ALPI: variants seen among roughly 807,000 people sequenced by gnomAD.
The protein encoded by ALPI is alkaline phosphatase, intestinal, also known as intestinal-type alkaline phosphatase.
A neutral mutation model predicts 51.5 loss-of-function variants in ALPI; 50 were observed. That is an observed-to-expected ratio of 0.97 (90% CI 0.77 to 1.23). The LOEUF is 1.23. ALPI is among the 50% of genes most tolerant of loss of function. ALPI has a pLI of 0.00. For synonymous variants in ALPI, 322 were observed against 308.2 expected, an observed-to-expected ratio of 1.04 and a Z score of -0.47; for missense variants, 692 against 722.4, an observed-to-expected ratio of 0.96 and a Z score of 0.48.
At position 232,456,586 on chromosome 2, in the gene ALPI, G is replaced by C. The variant is rs145841277; in HGVS notation, c.191G>C (p.Gly64Ala). ...CACATTTCTGCTCCTTCAGGGTTGG[G>C]GGTGCCCACGGTGACAGCCACCAGG... ...NLILFLGDGL[G>A]VPTVTATRIL... The change falls in exon 3 of 11, where the codon GGG (glycine) becomes GCG (alanine). Residue 64 changes from glycine to alanine, a missense_variant. Coordinates refer to ENST00000295463, the MANE Select transcript of ALPI (RefSeq NM_001631.5). The surrounding 1 kb of genome is among the most constrained non-coding windows in gnomAD (Gnocchi z 4.2). The C allele has an allele frequency of 1.2e-6, 2 of 1,612,570 alleles. No homozygotes were observed. Among genetic ancestry groups the C allele is most frequent in the Admixed American group, 1.7e-5 (1 of 59,928 alleles).
chr2:232,456,272 G>T lies in ALPI; in HGVS notation c.67+6G>T. 1 of 1,614,066 alleles carries T rather than the reference G, an allele frequency of 6.2e-7. No homozygotes were observed. The highest frequency in any genetic ancestry group is 8.5e-7 in the Non-Finnish European group (1 of 1,180,016). On this transcript the variant is annotated splice_donor_region_variant and intron_variant, in intron 1 of 10. Coordinates refer to ENST00000295463, the MANE Select transcript of ALPI (RefSeq NM_001631.5). This position sits in a 1 kb window ranked among gnomAD's most constrained non-coding sequence, Gnocchi z 4.2. ...CTCCCTGGGCGTCATCCCAGGTAATGAGGCTCCCCAAGCTGTTCCACACAC... is the reference window on the plus strand; with the variant it reads ...CTCCCTGGGCGTCATCCCAGGTAATTAGGCTCCCCAAGCTGTTCCACACAC...
chr2:232,458,633 G>T lies in ALPI; in HGVS notation c.1185G>T (p.Gly395=), dbSNP rs140144385. The T allele has an allele frequency of 1.5e-5, 24 of 1,613,700 alleles. No homozygotes were observed. Among genetic ancestry groups the T allele is most frequent in the East Asian group, 2.2e-5 (1 of 44,876 alleles). The change falls in exon 10 of 11, where the codon GGG becomes GGT. Residue 395 remains glycine, a splice_region_variant and synonymous_variant. Transcript: ENST00000295463. ...GYTLRGSSIF[G]LAPSKAQDSK... ...ACAGGGACCCGCATCTCCCTACAGG[G>T]TTGGCCCCCAGCAAGGCTCAGGACA...
chr2:232,456,839 T>C lies in ALPI; in HGVS notation c.301-60T>C. 1 of 1,600,936 alleles carries C rather than the reference T, an allele frequency of 6.2e-7. No homozygotes were observed. Among genetic ancestry groups the C allele is most frequent in the Non-Finnish European group, 8.5e-7 (1 of 1,172,794 alleles). On this transcript the variant is annotated intron_variant, in intron 3 of 10. Coordinates refer to ENST00000295463, the MANE Select transcript of ALPI (RefSeq NM_001631.5). The surrounding 1 kb of genome is among the most constrained non-coding windows in gnomAD (Gnocchi z 4.2). The stretch of plus-strand genomic sequence containing the variant: ...AGGATCCCAGAGGACCAGAACCAGG[T>C]CCTTGGTTGGGGTCTGGGTGTCCGC...
In ALPI at chr2:232,457,266, CGCCAGGAGGGGT is replaced by C. The variant is rs1205576553; in HGVS notation, c.600_611del (p.Glu200_Gln203del). 1 of 1,613,386 alleles carries C rather than the reference CGCCAGGAGGGGT, an allele frequency of 6.2e-7. No individual in the cohort carries two copies. Among genetic ancestry groups the C allele is most frequent in the Non-Finnish European group, 8.5e-7 (1 of 1,179,982 alleles). ...AGATGCTGACATGCCTGCCTCAGCCCGCCAGGAGGGGTGCCAGGACATCGCCACTCAGCTCAT... is the reference window on the plus strand; with the variant it reads ...AGATGCTGACATGCCTGCCTCAGCCCGCCAGGACATCGCCACTCAGCTCAT... On this transcript the variant is annotated inframe_deletion, in exon 5 of 11. Coordinates refer to ENST00000295463, the MANE Select transcript of ALPI (RefSeq NM_001631.5). The surrounding 1 kb of genome is among the most constrained non-coding windows in gnomAD (Gnocchi z 4.7).
rs1690292047 is a variant in ALPI at position 232,460,586 on chromosome 2, G to T, written c.*1440G>T. ...CCAAGAGAACATTGAAAAGAATAAA[G>T]GTGAAATCAACCACATTTTCCAGCA... is the stretch of plus-strand genomic sequence containing the variant. On this transcript the variant is annotated 3_prime_UTR_variant, in exon 11 of 11. Coordinates refer to ENST00000295463, the MANE Select transcript of ALPI (RefSeq NM_001631.5). Among the ~76,000 whole-genome samples, 1 of 152,118 alleles carries T rather than the reference G, an allele frequency of 6.6e-6. No homozygotes were observed.
At position 232,457,715 on chromosome 2, in the gene ALPI, G is replaced by T; in HGVS notation, c.783+16G>T. 1 of 1,610,546 alleles carries T rather than the reference G, an allele frequency of 6.2e-7. No homozygotes were observed. Among genetic ancestry groups the T allele is most frequent in the Non-Finnish European group, 8.5e-7 (1 of 1,177,584 alleles). Reference sequence around the variant, plus strand: ...AAAGCACCAGGTGATGGGGGCTGGTGGGTGTGGGAGGCACGGCAGGGGGAG... The same window carrying T: ...AAAGCACCAGGTGATGGGGGCTGGTTGGTGTGGGAGGCACGGCAGGGGGAG... On this transcript the variant is annotated intron_variant, in intron 6 of 10. Coordinates refer to ENST00000295463, the MANE Select transcript of ALPI (RefSeq NM_001631.5). This position sits in a 1 kb window ranked among gnomAD's most constrained non-coding sequence, Gnocchi z 4.7.
In ALPI at chr2:232,457,746, G is replaced by A. The variant is rs1690224108; in HGVS notation, c.783+47G>A. 1.2e-6 allele frequency: 2 copies of A among 1,612,062 alleles called. No individual in the cohort carries two copies. Among genetic ancestry groups the A allele is most frequent in the South Asian group, 1.1e-5 (1 of 90,884 alleles). ...GGGAGGCACGGCAGGGGGAGGCCAA[G>A]TGTGTGGGTCTCAGGGCTGTGGGCT... On this transcript the variant is annotated intron_variant, in intron 6 of 10. Coordinates refer to ENST00000295463, the MANE Select transcript of ALPI (RefSeq NM_001631.5). This position sits in a 1 kb window ranked among gnomAD's most constrained non-coding sequence, Gnocchi z 4.7.
Position 232,456,954 on chromosome 2 carries a change from T to A in ALPI, c.356T>A (p.Leu119Gln). The A allele has an allele frequency of 1.9e-6, 3 of 1,613,752 alleles. No homozygotes were observed. Among genetic ancestry groups the A allele is most frequent in the Non-Finnish European group, 2.5e-6 (3 of 1,180,020 alleles). Reference sequence around the variant, plus strand: ...AGCGCAGCCACAGCCACGGCCTACCTGTGCGGGGTCAAGGCCAACTTCCAG... The same window carrying A: ...AGCGCAGCCACAGCCACGGCCTACCAGTGCGGGGTCAAGGCCAACTTCCAG... ...PDSAATATAY[L>Q]CGVKANFQTI... Residue 119 changes from leucine to glutamine, a missense_variant, in exon 4 of 11, where the codon CTG becomes CAG. Physicochemically the swap from Leu to Gln is moderately radical, Grantham distance 113. Coordinates refer to ENST00000295463, the MANE Select transcript of ALPI (RefSeq NM_001631.5). The surrounding 1 kb of genome is among the most constrained non-coding windows in gnomAD (Gnocchi z 4.2).
Position 232,457,289 on chromosome 2 carries a change from C to T in ALPI, c.615C>T (p.Ile205=), listed in dbSNP as rs139864739. 18 of 1,612,418 alleles carry T rather than the reference C, an allele frequency of 1.1e-5. No individual in the cohort carries two copies. In the African/African-American group the frequency reaches 1.5e-4, roughly 13 times the overall value. Residue 205 remains isoleucine, a synonymous_variant, in exon 5 of 11, where the codon ATC becomes ATT. Transcript: ENST00000295463. This position sits in a 1 kb window ranked among gnomAD's most constrained non-coding sequence, Gnocchi z 4.7. ...ASARQEGCQD[I]ATQLISNMDI... Reference sequence around the variant, plus strand: ...CCCGCCAGGAGGGGTGCCAGGACATCGCCACTCAGCTCATCTCCAACATGG... The same window carrying T: ...CCCGCCAGGAGGGGTGCCAGGACATTGCCACTCAGCTCATCTCCAACATGG...
In ALPI at chr2:232,457,679, G is replaced by A. The variant is rs757973136; in HGVS notation, c.763G>A (p.Glu255Lys). Reference protein sequence around the residue: ...IRLDGKNLVQEWLAKHQGAWY... With the variant: ...IRLDGKNLVQKWLAKHQGAWY... ...GCTGGACGGGAAGAACCTGGTGCAG[G>A]AATGGCTGGCAAAGCACCAGGTGAT... Residue 255 changes from glutamate (E) to lysine (K), a missense_variant, in exon 6 of 11, where the codon GAA (glutamate) becomes AAA (lysine). Glu to Lys is a moderately conservative substitution (Grantham distance 56). Coordinates refer to ENST00000295463, the MANE Select transcript of ALPI (RefSeq NM_001631.5). This position sits in a 1 kb window ranked among gnomAD's most constrained non-coding sequence, Gnocchi z 4.7. 1.9e-6 allele frequency: 3 copies of A among 1,613,348 alleles called. No individual in the cohort carries two copies. Among genetic ancestry groups the A allele is most frequent in the Non-Finnish European group, 2.5e-6 (3 of 1,179,416 alleles).
chr2:232,456,726 A>C lies in ALPI; in HGVS notation c.300+31A>C. The C allele has an allele frequency of 1.3e-6, 2 of 1,568,154 alleles. No homozygotes were observed. The highest frequency in any genetic ancestry group is 1.7e-6 in the Non-Finnish European group (2 of 1,156,294). On this transcript the variant is annotated intron_variant, in intron 3 of 10. Coordinates refer to ENST00000295463, the MANE Select transcript of ALPI (RefSeq NM_001631.5). The surrounding 1 kb of genome is among the most constrained non-coding windows in gnomAD (Gnocchi z 4.2). ...GGCTGGGCCACCTCAGAGTCCTCCA[A>C]GCAGAGGAGAGGGATCAAGGATATG...
At position 232,456,892 on chromosome 2, in the gene ALPI, T is replaced by C. The variant is rs377393587; in HGVS notation, c.301-7T>C. Reference sequence around the variant, plus strand: ...CGAAGTAGAGCTCAGGGTGTCTCCGTTCGCAGACATACAATGTGGACAGAC... The same window carrying C: ...CGAAGTAGAGCTCAGGGTGTCTCCGCTCGCAGACATACAATGTGGACAGAC... On this transcript the variant is annotated splice_region_variant and splice_polypyrimidine_tract_variant and intron_variant, in intron 3 of 10. Transcript: ENST00000295463. The surrounding 1 kb of genome is among the most constrained non-coding windows in gnomAD (Gnocchi z 4.2). 23 of 1,613,094 alleles carry C rather than the reference T, an allele frequency of 1.4e-5. No homozygotes were observed. The highest frequency in any genetic ancestry group is 1.9e-5 in the Non-Finnish European group (23 of 1,179,954).
rs781726980 is a variant in ALPI, at chr2:232,457,857, C to A, written c.846C>A (p.Thr282=). 4.0e-5 allele frequency: 65 copies of A among 1,613,946 alleles called. 1 individual carries two copies. The highest frequency in any genetic ancestry group is 5.3e-5 in the Non-Finnish European group (63 of 1,179,994). ...AGGCGTCCCTGGACCAGTCTGTGAC[C>A]CATCTCATGGGTAATGACCCCCTTC... The part of the protein sequence containing the change: ...LMQASLDQSV[T]HLMGLFEPGD... Residue 282 remains threonine, a synonymous_variant, in exon 7 of 11, where the codon ACC becomes ACA. Coordinates refer to ENST00000295463, the MANE Select transcript of ALPI (RefSeq NM_001631.5). The surrounding 1 kb of genome is among the most constrained non-coding windows in gnomAD (Gnocchi z 4.7).
chr2:232,457,763 C>T lies in ALPI; in HGVS notation c.784-32C>T. 4 of 1,613,102 alleles carry T rather than the reference C, an allele frequency of 2.5e-6. No individual in the cohort carries two copies. The highest frequency in any genetic ancestry group is 2.5e-6 in the Non-Finnish European group (3 of 1,179,492). On this transcript the variant is annotated intron_variant, in intron 6 of 10. Transcript: ENST00000295463. This position sits in a 1 kb window ranked among gnomAD's most constrained non-coding sequence, Gnocchi z 4.7. ...GAGGCCAAGTGTGTGGGTCTCAGGGCTGTGGGCTGAAGCCTGGCTCTGTCC... is the reference window on the plus strand; with the variant it reads ...GAGGCCAAGTGTGTGGGTCTCAGGGTTGTGGGCTGAAGCCTGGCTCTGTCC...
At position 232,456,828 on chromosome 2, in the gene ALPI, C is replaced by T; in HGVS notation, c.301-71C>T. On this transcript the variant is annotated intron_variant, in intron 3 of 10. Transcript: ENST00000295463. The surrounding 1 kb of genome is among the most constrained non-coding windows in gnomAD (Gnocchi z 4.2). ...TGGGAGCAGTTAGGATCCCAGAGGACCAGAACCAGGTCCTTGGTTGGGGTC... is the reference window on the plus strand; with the variant it reads ...TGGGAGCAGTTAGGATCCCAGAGGATCAGAACCAGGTCCTTGGTTGGGGTC... 1 of 1,592,464 alleles carries T rather than the reference C, an allele frequency of 6.3e-7. No homozygotes were observed. The highest frequency in any genetic ancestry group is 1.1e-5 in the South Asian group (1 of 87,826).
In ALPI at chr2:232,457,085, C is replaced by T. The variant is rs1690207188; in HGVS notation, c.475+12C>T. The T allele has an allele frequency of 6.2e-7, 1 of 1,613,332 alleles. No homozygotes were observed. The highest frequency in any genetic ancestry group is 8.5e-7 in the Non-Finnish European group (1 of 1,179,912). On this transcript the variant is annotated intron_variant, in intron 4 of 10. Coordinates refer to ENST00000295463, the MANE Select transcript of ALPI (RefSeq NM_001631.5). This position sits in a 1 kb window ranked among gnomAD's most constrained non-coding sequence, Gnocchi z 4.7. ...GGCCAAGCAAGCAGGTGAGCTGGGG[C>T]CCGCTGTGGGGTCAGGACCAGGCCC...
chr2:232,457,722 G>A lies in ALPI; in HGVS notation c.783+23G>A, dbSNP rs1690223607. On this transcript the variant is annotated intron_variant, in intron 6 of 10. Transcript: ENST00000295463. The surrounding 1 kb of genome is among the most constrained non-coding windows in gnomAD (Gnocchi z 4.7). ...CAGGTGATGGGGGCTGGTGGGTGTG[G>A]GAGGCACGGCAGGGGGAGGCCAAGT... 6.2e-7 allele frequency: 1 copy of A among 1,610,774 alleles called. No individual in the cohort carries two copies. The highest frequency in any genetic ancestry group is 8.5e-7 in the Non-Finnish European group (1 of 1,177,882).
Position 232,457,915 on chromosome 2 carries a change from G to A in ALPI, c.856+48G>A, listed in dbSNP as rs760483561. 2 of 1,612,170 alleles carry A rather than the reference G, an allele frequency of 1.2e-6. No homozygotes were observed. The highest frequency in any genetic ancestry group is 2.7e-5 in the African/African-American group (2 of 74,820). On this transcript the variant is annotated intron_variant, in intron 7 of 10. Transcript: ENST00000295463. This position sits in a 1 kb window ranked among gnomAD's most constrained non-coding sequence, Gnocchi z 4.7. ...GGCATTCCTCAGACAACCTCAGAGG[G>A]TGCCATCCGAGCCTGTGTGCCCATT... is the stretch of plus-strand genomic sequence containing the variant.
In ALPI at chr2:232,460,692, C is replaced by A. The variant is rs951085365; in HGVS notation, c.*1546C>A. On this transcript the variant is annotated 3_prime_UTR_variant, in exon 11 of 11. Transcript: ENST00000295463. ...TTGCTTTTGCAAGAAATAGTAACATCATTCAATATGCTTTCTTATTTACTA... is the reference window on the plus strand; with the variant it reads ...TTGCTTTTGCAAGAAATAGTAACATAATTCAATATGCTTTCTTATTTACTA... 1.3e-5 allele frequency among the ~76,000 whole-genome samples: 2 copies of A among 152,184 alleles called. No homozygotes were observed. The highest frequency in any genetic ancestry group is 2.9e-5 in the Non-Finnish European group (2 of 68,044).
Sources: allele counts gnomAD v4.1 joint callset (sites outside exome capture counted in the v4.1 genomes callset), GRCh38; gene constraint gnomAD v4.1.1; non-coding constraint Gnocchi (gnomAD v3.1); transcripts MANE v1.5; gene names NCBI Gene and HGNC (gene_info 2026-07-23, HGNC 2026-07-21).